The following ATM variants were observed in gnomAD, a reference collection of about 807,000 sequenced individuals.
ATM encodes the protein ATM serine/threonine kinase.
ATM carries 308 observed loss-of-function variants against 387.0 expected under a neutral mutation model. That is an observed-to-expected ratio of 0.80 (90% CI 0.73 to 0.87). ATM has a LOEUF of 0.87. Among genes scored for constraint, ATM ranks in the 40% least tolerant of loss-of-function variants. The pLI is 0.00. For missense variants in ATM, 3,312 were observed against 3,560.9 expected (o/e 0.93, Z 1.78); for synonymous variants, 1,156 against 1,187.3 (o/e 0.97, Z 0.54).
chr11:108,261,999 A>G (rs1462273269), intron 16 of ATM, among the ~76,000 whole-genome samples: 1 of 152,222 alleles, frequency 6.6e-6, no homozygotes, highest in Non-Finnish European at 1.5e-5. Context: ...GACCAAATCT[A>G]CGTCTGATTG....
chr11:108,335,844 G>A lies in ATM; in HGVS notation c.8152-1G>A, dbSNP rs1398616877. 6.2e-7 allele frequency: 1 copy of A among 1,610,548 alleles called. No homozygotes were observed. Among genetic ancestry groups the A allele is most frequent in the Non-Finnish European group, 8.5e-7 (1 of 1,176,936 alleles). On this transcript the variant is annotated splice_acceptor_variant, in intron 55 of 62. Transcript: ENST00000675843. LOFTEE classifies it high-confidence loss of function. ...TTTATTCATGCTTAATTATTCTGAA[G>A]GGCCGTGATGACCTGAGACAAGATG...
At chr11:108,305,225 T>A (rs957503453) in intron 37 of ATM, among the ~76,000 whole-genome samples, 7 of 152,198 alleles carry the variant, frequency 4.6e-5, no homozygotes, top group Non-Finnish European at 1.0e-4. Flanking sequence ...ATATTTTAGG[T>A]ACTGTGGTGC....
intron 61 of ATM, 62 bp downstream of exon 61, chr11:108,354,936 CAGGA>C: frequency 7.5e-7 from 1 of 1,338,090 alleles, no homozygotes; most frequent in Non-Finnish European, 1.1e-6. Flanking sequence ...TGTATCTCAT[CAGGA>C]AGTCACTGAT....
At chr11:108,312,887 T>G (rs1255919865) in intron 40 of ATM, among the ~76,000 whole-genome samples, 1 of 152,230 alleles carries the variant, frequency 6.6e-6, no homozygotes, top group Non-Finnish European at 1.5e-5. Flanking sequence ...TTTCTTGATA[T>G]CCATTCTTAA....
rs1398289633 is a variant in ATM at position 108,294,913 on chromosome 11, A to AT, written c.4777-10dup. 1.2e-6 allele frequency: 2 copies of AT among 1,613,212 alleles called. No individual in the cohort carries two copies. Among genetic ancestry groups the AT allele is most frequent in the African/African-American group, 2.7e-5 (2 of 74,852 alleles). On this transcript the variant is annotated splice_polypyrimidine_tract_variant and intron_variant, in intron 31 of 62. Coordinates refer to ENST00000675843, the MANE Select transcript of ATM (RefSeq NM_000051.4). The stretch of plus-strand genomic sequence containing the variant: ...CCAATACGTGTTAAAAGCAAGTTAC[A>AT]TTTTCTCTTTTAGGAAATTAACCAT...
At chr11:108,345,658 C>A in intron 57 of ATM, 85 bp from the exon 58 acceptor site, 1 of 1,138,700 alleles carries the variant, frequency 8.8e-7, no homozygotes. Flanking sequence ...GCCCCTATAT[C>A]TGTCATATTT....
chr11:108,345,656 AT>A, intron 57 of ATM, 86 bp from the exon 58 acceptor site: 1 of 1,123,014 alleles, frequency 8.9e-7, no homozygotes. Flanking sequence ...TTGCCCCTAT[AT>A]CTGTCATATT....
intron 37 of ATM, among the ~76,000 whole-genome samples, 163 bp downstream of exon 37, chr11:108,305,015 C>T (rs2083615272): frequency 6.6e-6 from 1 of 152,158 alleles, no homozygotes; most frequent in African/African-American, 2.4e-5. Context: ...ACAGTTGCAA[C>T]AAGTTTTCAA....
Position 108,332,281 on chromosome 11 carries a change from A to C in ATM, c.7788+244A>C, listed in dbSNP as rs568596394. Among the ~76,000 whole-genome samples, 20 of 152,100 alleles carry C rather than the reference A, an allele frequency of 1.3e-4. No individual in the cohort carries two copies. The South Asian group carries it at 4.2e-3, about 32-fold the overall frequency. The stretch of plus-strand genomic sequence containing the variant: ...ACCCTGTCTCTACTAAAAATGCAAA[A>C]AACAGCTGGGCATGGTGGTGGGCAC... On this transcript the variant is annotated intron_variant, in intron 52 of 62. Transcript: ENST00000675843.
chr11:108,360,045 G>A (rs1403337600), intron 61 of ATM, among the ~76,000 whole-genome samples: 7 of 151,624 alleles, frequency 4.6e-5, no homozygotes, highest in Admixed American at 6.6e-5. Flanking sequence ...TTGATAGACC[G>A]CTAGCAAGAC....
chr11:108,316,247 A>G, intron 42 of ATM, 134 bp downstream of exon 42: 1 of 934,032 alleles, frequency 1.1e-6, no homozygotes, highest in African/African-American at 1.6e-5. Context: ...TCAGAGGATT[A>G]GGCTAAACAT....
chr11:108,261,724 G>A (rs1481588381), intron 16 of ATM, among the ~76,000 whole-genome samples: 1 of 151,846 alleles, frequency 6.6e-6, no homozygotes, highest in Non-Finnish European at 1.5e-5. Context: ...CAAAGAAGTT[G>A]AAAACTTTGA....
At position 108,329,225 on chromosome 11, in the gene ATM, A is replaced by G. The variant is rs587781838; in HGVS notation, c.7294A>G (p.Ile2432Val). ...EEVGLLREHK[I>V]QTNRYTVKVQ... is the part of the protein sequence containing the mutation. ...AGTAGGTCTCCTTAGGGAACATAAA[A>G]TTCAGACAAACAGGTAACTAGGTTT... is the stretch of plus-strand genomic sequence containing the variant. The change falls in exon 49 of 63, where the codon ATT becomes GTT. Residue 2432 changes from isoleucine (I) to valine (V), a missense_variant. This residue lies in a region of ATM where 1,405 missense variants were observed against 1,604.4 expected (regional missense o/e 0.88). Coordinates refer to ENST00000675843, the MANE Select transcript of ATM (RefSeq NM_000051.4). 2 of 1,613,116 alleles carry G rather than the reference A, an allele frequency of 1.2e-6. No homozygotes were observed. The highest frequency in any genetic ancestry group is 1.7e-6 in the Non-Finnish European group (2 of 1,179,238).
In ATM at chr11:108,252,833, G is replaced by C. The variant is rs878853489; in HGVS notation, c.1819G>C (p.Val607Leu). The C allele has an allele frequency of 6.2e-7, 1 of 1,611,688 alleles. No individual in the cohort carries two copies. The highest frequency in any genetic ancestry group is 8.5e-7 in the Non-Finnish European group (1 of 1,178,350). The stretch of plus-strand genomic sequence containing the variant: ...TCTTTGTAGTAATTTTCCTCATCTT[G>C]TACTGGAGAAAATTCTTGTGAGTCT... ...PILHSNFPHL[V>L]LEKILVSLTM... Residue 607 changes from valine (V) to leucine (L), a missense_variant, in exon 12 of 63, where the codon GTA becomes CTA. Around this residue, in one of 4 missense-constraint regions of ATM, gnomAD observed 1,791 missense variants for 1,804.5 expected, o/e 0.99. Coordinates refer to ENST00000675843, the MANE Select transcript of ATM (RefSeq NM_000051.4).
chr11:108,281,051 T>G lies in ATM; in HGVS notation c.3459T>G (p.Val1153=). ...TLDEIYNRKS[V]LLTLIAVVLS... is the part of the protein sequence containing the mutation. ...ATGAAATTTATAATAGAAAATCTGT[T>G]TTACTGACGTTGATAGCTGTGGTTT... Residue 1153 remains valine (V), a synonymous_variant, in exon 24 of 63, where the codon GTT becomes GTG. Transcript: ENST00000675843. 3 of 1,613,876 alleles carry G rather than the reference T, an allele frequency of 1.9e-6. No individual in the cohort carries two copies. The highest frequency in any genetic ancestry group is 2.5e-6 in the Non-Finnish European group (3 of 1,179,846).
Position 108,284,286 on chromosome 11 carries a change from A to C in ATM, c.3806A>C (p.Lys1269Thr). 6.2e-7 allele frequency: 1 copy of C among 1,613,608 alleles called. No individual in the cohort carries two copies. Among genetic ancestry groups the C allele is most frequent in the Non-Finnish European group, 8.5e-7 (1 of 1,179,578 alleles). ...ATTAGAAGTCATTTTGATGAGGTGA[A>C]GTCCATTGCTAATCAGATTCAAGAG... ...LVIRSHFDEV[K>T]SIANQIQEDW... The change falls in exon 26 of 63, where the codon AAG (lysine) becomes ACG (threonine). Residue 1269 changes from lysine (K) to threonine (T), a missense_variant. By Grantham distance (78) the Lys-to-Thr change is moderately conservative. Around this residue, in one of 4 missense-constraint regions of ATM, gnomAD observed 1,791 missense variants for 1,804.5 expected, o/e 0.99. Transcript: ENST00000675843.
chr11:108,284,978 G>T (rs2082417684), intron 26 of ATM, among the ~76,000 whole-genome samples: 2 of 151,408 alleles, frequency 1.3e-5, no homozygotes, highest in South Asian at 4.2e-4. Flanking sequence ...TTTTGTTTTT[G>T]AGACAGAGTC....
At chr11:108,328,585 G>A (rs1402005181) in intron 48 of ATM, among the ~76,000 whole-genome samples, 4 of 152,180 alleles carry the variant, frequency 2.6e-5, no homozygotes, top group Non-Finnish European at 5.9e-5. Flanking sequence ...TGTTTTTGCA[G>A]AGTTCTTTAC....
chr11:108,264,207 A>T (rs1426923822), intron 16 of ATM, among the ~76,000 whole-genome samples: 7 of 152,106 alleles, frequency 4.6e-5, no homozygotes. Context: ...AATATCCTTG[A>T]TGAACATTGA....
Sources: allele counts gnomAD v4.1 joint callset (sites outside exome capture counted in the v4.1 genomes callset), GRCh38; gene constraint gnomAD v4.1.1; regional missense constraint gnomAD v4.1.1; transcripts MANE v1.5; gene names NCBI Gene and HGNC (gene_info 2026-07-23, HGNC 2026-07-21).